PPP2R3A: variants seen among roughly 807,000 people sequenced by gnomAD.
The protein encoded by PPP2R3A is protein phosphatase 2 regulatory subunit B''alpha.
In PPP2R3A, 80 loss-of-function variants were observed where a neutral mutation model predicts 106.9. The ratio of observed to expected loss-of-function variants is 0.75; its 90% confidence interval spans 0.62 to 0.90. PPP2R3A has a LOEUF of 0.90. Among genes scored for constraint, PPP2R3A ranks in the 40% least tolerant of loss-of-function variants. The pLI is 0.00. For synonymous variants in PPP2R3A, 483 were observed against 468.3 expected (o/e 1.03, Z -0.41); for missense variants, 1,386 against 1,350.4 (o/e 1.03, Z -0.41).
chr3:136,088,227 T>TC (rs551208332), intron 9 of PPP2R3A, among the ~76,000 whole-genome samples: 36 of 152,242 alleles, frequency 2.4e-4, no homozygotes, highest in African/African-American at 7.9e-4. Flanking sequence ...CAACAGGCAG[T>TC]CCCTCAGCCC....
intron 3 of PPP2R3A, among the ~76,000 whole-genome samples, chr3:136,029,752 A>G (rs1464304838): frequency 2.0e-5 from 3 of 152,204 alleles, no homozygotes; most frequent in African/African-American, 7.2e-5. Flanking sequence ...ATACATATAT[A>G]TGTCTGATTA....
At chr3:136,076,396 T>C (rs1446440513) in intron 6 of PPP2R3A, among the ~76,000 whole-genome samples, 2 of 152,208 alleles carry the variant, frequency 1.3e-5, no homozygotes, top group African/African-American at 4.8e-5. Context: ...ATAGTTACAC[T>C]TACCTGTTTT....
chr3:136,064,052 T>C (rs1936176476), intron 5 of PPP2R3A, among the ~76,000 whole-genome samples: 2 of 151,304 alleles, frequency 1.3e-5, no homozygotes, highest in African/African-American at 4.9e-5. Context: ...ATTAAGAAAA[T>C]GTGGCACATA....
chr3:136,140,064 T>G (rs1049850800), intron 13 of PPP2R3A, among the ~76,000 whole-genome samples: 5 of 151,854 alleles, frequency 3.3e-5, no homozygotes, highest in African/African-American at 1.2e-4. Flanking sequence ...TCTAGTAAAT[T>G]GTTTGTGAAC....
At chr3:136,082,717 C>G (rs906917745) in intron 8 of PPP2R3A, among the ~76,000 whole-genome samples, 7 of 151,722 alleles carry the variant, frequency 4.6e-5, no homozygotes, top group African/African-American at 1.2e-4. Flanking sequence ...GAATAAGATC[C>G]ACACCTGTTT....
Position 136,103,300 on chromosome 3 carries a change from A to G in PPP2R3A, c.3146A>G (p.His1049Arg), listed in dbSNP as rs1278034287. 3 of 1,611,132 alleles carry G rather than the reference A, an allele frequency of 1.9e-6. No homozygotes were observed. Among genetic ancestry groups the G allele is most frequent in the Non-Finnish European group, 2.5e-6 (3 of 1,177,594 alleles). The change falls in exon 12 of 14, where the codon CAC becomes CGC. Residue 1049 changes from histidine to arginine, a missense_variant. Coordinates refer to ENST00000264977, the MANE Select transcript of PPP2R3A (RefSeq NM_002718.5). ...GATCTGAAGAGGTGCAGAATGGCTC[A>G]CATCTTCTATGACACTTTCTTTAAT... is the stretch of plus-strand genomic sequence containing the variant. ...LRDLKRCRMA[H>R]IFYDTFFNLE...
At chr3:136,142,265 T>C (rs1938906213) in intron 13 of PPP2R3A, among the ~76,000 whole-genome samples, 1 of 152,066 alleles carries the variant, frequency 6.6e-6, no homozygotes, top group African/African-American at 2.4e-5. Context: ...TGTAGGATGT[T>C]TAGCACCATC....
At chr3:136,016,298 T>C (rs1330163945) in intron 2 of PPP2R3A, among the ~76,000 whole-genome samples, 1 of 152,122 alleles carries the variant, frequency 6.6e-6, no homozygotes, top group African/African-American at 2.4e-5. Context: ...TCTGCAGTTG[T>C]TGGGTAGAAT....
intron 13 of PPP2R3A, 74 bp downstream of exon 13, chr3:136,106,396 C>A: frequency 7.8e-7 from 1 of 1,280,478 alleles, no homozygotes; most frequent in Non-Finnish European, 1.1e-6. Context: ...AACCCCCTTA[C>A]AAAATCCTTT....
At chr3:135,999,597 C>T (rs1348376003) in intron 1 of PPP2R3A, among the ~76,000 whole-genome samples, 1 of 151,872 alleles carries the variant, frequency 6.6e-6, no homozygotes, top group East Asian at 1.9e-4. Context: ...GTAAATTTCT[C>T]ATTGATAGTT....
chr3:135,977,688 C>CTTTTTTTTTTTTTT, intron 1 of PPP2R3A, among the ~76,000 whole-genome samples: 1 of 61,124 alleles, frequency 1.6e-5, no homozygotes, highest in African/African-American at 7.0e-5. Flanking sequence ...GATCAGCATT[C>CTTTTTTTTTTTTTT]TTTTTTTTTT....
At chr3:136,032,499 T>C (rs915573711) in intron 3 of PPP2R3A, among the ~76,000 whole-genome samples, 6 of 144,554 alleles carry the variant, frequency 4.2e-5, no homozygotes, top group Admixed American at 1.4e-4. Context: ...GACTTTCTCT[T>C]TTTTTTTTTA....
chr3:136,059,314 C>G lies in PPP2R3A; in HGVS notation c.2469+9953C>G, dbSNP rs866504090. The stretch of plus-strand genomic sequence containing the variant: ...AGAAAAAAAAACATAAAAAAGTGAG[C>G]AAAATACATGAACAAATATTTTTCA... On this transcript the variant is annotated intron_variant, in intron 5 of 13. Transcript: ENST00000264977. 9.2e-5 allele frequency among the ~76,000 whole-genome samples: 14 copies of G among 151,604 alleles called. No homozygotes were observed. In the South Asian group the frequency reaches 1.9e-3, roughly 20 times the overall value.
chr3:136,099,624 A>G (rs1937307294), intron 10 of PPP2R3A, among the ~76,000 whole-genome samples: 1 of 152,068 alleles, frequency 6.6e-6, no homozygotes, highest in Non-Finnish European at 1.5e-5. Context: ...CTCCCCCAAA[A>G]AAGATGAAAC....
At position 136,039,600 on chromosome 3, in the gene PPP2R3A, AT is replaced by A. The variant is rs139962928; in HGVS notation, c.2263-1258del. On this transcript the variant is annotated intron_variant, in intron 3 of 13. Coordinates refer to ENST00000264977, the MANE Select transcript of PPP2R3A (RefSeq NM_002718.5). ...CGATAGGGTTCACTCTCCTATAACA[AT>A]CTGATGCTGCCACTGATCTGACAGG... 7.2e-3 allele frequency among the ~76,000 whole-genome samples: 1,103 copies of A among 152,220 alleles called. 11 individuals are homozygous for A. The highest frequency in any genetic ancestry group is 0.026 in the African/African-American group (1,081 of 41,548).
At chr3:135,987,741 G>T (rs963196549) in intron 1 of PPP2R3A, among the ~76,000 whole-genome samples, 1 of 152,078 alleles carries the variant, frequency 6.6e-6, no homozygotes, top group Admixed American at 6.6e-5. Context: ...CCATACTCTA[G>T]ATCTACACTG....
chr3:136,100,296 G>A (rs1937326152), intron 10 of PPP2R3A, among the ~76,000 whole-genome samples: 1 of 151,978 alleles, frequency 6.6e-6, no homozygotes, highest in South Asian at 2.1e-4. Context: ...GATCCCTTGA[G>A]GCCAGGAGTT....
At chr3:136,029,761 T>TA (rs550158013) in intron 3 of PPP2R3A, among the ~76,000 whole-genome samples, 3 of 152,204 alleles carry the variant, frequency 2.0e-5, no homozygotes, top group Non-Finnish European at 4.4e-5. Flanking sequence ...TATGTCTGAT[T>TA]AACTTGTCTG....
At chr3:135,979,549 G>C (rs1937511189) in intron 1 of PPP2R3A, among the ~76,000 whole-genome samples, 1 of 151,692 alleles carries the variant, frequency 6.6e-6, no homozygotes, top group African/African-American at 2.4e-5. Context: ...CATATGATGG[G>C]TCCCTTTAAC....
Sources: gnomAD v4.1 joint callset for allele counts (sites outside exome capture counted in the v4.1 genomes callset) on GRCh38, gnomAD v4.1.1 for gene constraint, MANE v1.5 for transcripts, NCBI Gene and HGNC (gene_info 2026-07-23, HGNC 2026-07-21) for gene names.